Variants in USH2A observed in about 807,000 individuals in gnomAD.
USH2A encodes Usher syndrome 2A (autosomal recessive, mild).
USH2A carries 443 observed loss-of-function variants against 538.9 expected under a neutral mutation model. The ratio of observed to expected loss-of-function variants is 0.82; its 90% CI spans 0.76 to 0.89. USH2A has a LOEUF of 0.89. USH2A is among the 40% of genes least tolerant of loss of function. The pLI is 0.00. For synonymous variants in USH2A, 2,413 were observed against 2,273.5 expected (o/e 1.06, Z -1.75); for missense variants, 6,633 against 6,324.8 (o/e 1.05, Z -1.65).
At chr1:215,741,257 A>C in intron 60 of USH2A, 118 bp downstream of exon 60, 1 of 1,294,916 alleles carries the variant, frequency 7.7e-7, no homozygotes, top group South Asian at 1.3e-5. Flanking sequence ...AACAAAAAAA[A>C]ACACAACATG....
chr1:216,117,726 G>GA (rs570652435), intron 21 of USH2A, among the ~76,000 whole-genome samples: 1,981 of 151,598 alleles, frequency 0.013, 27 homozygotes, highest in South Asian at 0.038. Context: ...CCACTTTAGA[G>GA]AAAAAATAGC....
At chr1:215,810,826 T>C (rs1165178602) in intron 49 of USH2A, among the ~76,000 whole-genome samples, 1 of 152,220 alleles carries the variant, frequency 6.6e-6, no homozygotes, top group Non-Finnish European at 1.5e-5. Context: ...TATTTCCATA[T>C]ATATTTTTAC....
chr1:215,993,955 T>C (rs570327658), intron 34 of USH2A, among the ~76,000 whole-genome samples: 1 of 152,268 alleles, frequency 6.6e-6, no homozygotes, highest in African/African-American at 2.4e-5. Flanking sequence ...GTTTTAAACT[T>C]ACTGGACAAG....
At chr1:216,342,818 T>C (rs2038100040) in intron 4 of USH2A, among the ~76,000 whole-genome samples, 1 of 151,732 alleles carries the variant, frequency 6.6e-6, no homozygotes, top group South Asian at 2.1e-4. Context: ...AGGGGAACAA[T>C]ACACACCAGG....
intron 53 of USH2A, among the ~76,000 whole-genome samples, chr1:215,782,509 G>A (rs2102763138): frequency 6.6e-6 from 1 of 152,158 alleles, no homozygotes; most frequent in South Asian, 2.1e-4. Context: ...ATATATTCTG[G>A]GATTCAAGGA....
intron 61 of USH2A, among the ~76,000 whole-genome samples, chr1:215,711,386 T>C (rs1365022687): frequency 6.6e-6 from 1 of 152,200 alleles, no homozygotes; most frequent in Non-Finnish European, 1.5e-5. Flanking sequence ...TACTTATAAT[T>C]GCTAGAAGTA....
chr1:215,813,224 AG>A (rs1662752048), intron 49 of USH2A, among the ~76,000 whole-genome samples: 3 of 152,206 alleles, frequency 2.0e-5, no homozygotes, highest in Admixed American at 6.5e-5. Context: ...GAAAAAATCC[AG>A]TTTGCTACCC....
rs144307970 is a variant in USH2A at position 215,974,992 on chromosome 1, G to A, written c.6806-4216C>T. Among the ~76,000 whole-genome samples the A allele has an allele frequency of 1.4e-4, 22 of 152,048 alleles. No homozygotes were observed. In the East Asian group the frequency reaches 1.9e-3, roughly 13 times the overall value. ...ATTCAACCCTTTTCTTTGCAGCCTC[G>A]CCAGCATCTGTTGTTTTTTGACTTT... On this transcript the variant is annotated intron_variant, in intron 35 of 71. Transcript: ENST00000307340.
chr1:215,867,464 A>C (rs1469632114), intron 43 of USH2A, among the ~76,000 whole-genome samples: 1 of 152,196 alleles, frequency 6.6e-6, no homozygotes, highest in African/African-American at 2.4e-5. Context: ...TCTTATTCTT[A>C]TTGTTTTCAG....
intron 44 of USH2A, 150 bp downstream of exon 44, chr1:215,866,857 T>G (rs1664482488): frequency 9.1e-7 from 1 of 1,095,988 alleles, no homozygotes; most frequent in Non-Finnish European, 1.3e-6. Flanking sequence ...AAGTTTTCAA[T>G]GACAGCCCTG....
Position 216,174,727 on chromosome 1 carries a change from G to T in USH2A, c.4627+525C>A, listed in dbSNP as rs370656366. ...CCACAATGTTCTTCATAGAACATGAGATATTAAGTTGTCACAGTGAAAAAA... is the reference window on the plus strand; with the variant it reads ...CCACAATGTTCTTCATAGAACATGATATATTAAGTTGTCACAGTGAAAAAA... On this transcript the variant is annotated intron_variant, in intron 21 of 71. Coordinates refer to ENST00000307340, the MANE Select transcript of USH2A (RefSeq NM_206933.4). 220 of 994,622 alleles carry T rather than the reference G, an allele frequency of 2.2e-4. No homozygotes were observed. The African/African-American group carries it at 3.6e-3, about 16-fold the overall frequency. 61.6% of individuals were successfully genotyped at this position (994,622 alleles called of 1,614,324 possible). A position where few individuals can be genotyped will look rare whatever the true frequency, so the allele number is the denominator to read the frequency against.
chr1:216,245,470 TGAGAGAGAGAGAGAGAGAGAGA>T (rs10535828), intron 13 of USH2A, among the ~76,000 whole-genome samples: 13 of 114,176 alleles, frequency 1.1e-4, no homozygotes, highest in Non-Finnish European at 2.0e-4. Context: ...AGTCCCCTTC[TGAGAGAGAGAGAGAGAGAGAGA>T]GAGAGAGAGA....
At chr1:215,837,234 CTTA>C (rs1444475859) in intron 47 of USH2A, among the ~76,000 whole-genome samples, 4 of 151,876 alleles carry the variant, frequency 2.6e-5, no homozygotes, top group African/African-American at 9.7e-5. Flanking sequence ...TAATAATAGA[CTTA>C]TTATTTCAGT....
Position 216,097,068 on chromosome 1 carries a change from T to A in USH2A, c.4758+15A>T. 1.2e-6 allele frequency: 2 copies of A among 1,610,754 alleles called. No individual in the cohort carries two copies. The highest frequency in any genetic ancestry group is 1.7e-6 in the Non-Finnish European group (2 of 1,178,010). The stretch of plus-strand genomic sequence containing the variant: ...AAATTCTTAAAAATATTAAAGTTTA[T>A]GATTTCTCATTTACCTGAGGATCAA... On this transcript the variant is annotated intron_variant, in intron 22 of 71. Transcript: ENST00000307340.
chr1:216,121,439 T>C (rs995170026), intron 21 of USH2A, among the ~76,000 whole-genome samples: 1 of 152,290 alleles, frequency 6.6e-6, no homozygotes, highest in African/African-American at 2.4e-5. Flanking sequence ...ATTTGATACC[T>C]GTTTTTATTT....
At chr1:215,979,320 C>T (rs1667696613) in intron 35 of USH2A, among the ~76,000 whole-genome samples, 1 of 152,082 alleles carries the variant, frequency 6.6e-6, no homozygotes, top group Non-Finnish European at 1.5e-5. Context: ...GGACACAGAG[C>T]CAAACCATAT....
chr1:216,117,317 T>C (rs2033032575), intron 21 of USH2A, among the ~76,000 whole-genome samples: 1 of 152,164 alleles, frequency 6.6e-6, no homozygotes, highest in Non-Finnish European at 1.5e-5. Flanking sequence ...CAATAATGCA[T>C]GTCAAATGAA....
intron 3 of USH2A, among the ~76,000 whole-genome samples, chr1:216,377,859 GAAAGAAA>G (rs1558061849): frequency 1.3e-4 from 17 of 133,844 alleles, no homozygotes; most frequent in African/African-American, 3.9e-4. Context: ...AAGAAAGAAA[GAAAGAAA>G]GAAGGAAAGA....
At chr1:215,818,148 C>T (rs745623788) in intron 47 of USH2A, among the ~76,000 whole-genome samples, 1 of 151,788 alleles carries the variant, frequency 6.6e-6, no homozygotes, top group Non-Finnish European at 1.5e-5. Context: ...GGCTTCTGGT[C>T]AACAGTAGGC....
Sources: allele counts gnomAD v4.1 joint callset (sites outside exome capture counted in the v4.1 genomes callset), GRCh38; gene constraint gnomAD v4.1.1; transcripts MANE v1.5; gene names NCBI Gene and HGNC (gene_info 2026-07-23, HGNC 2026-07-21).